Variants in NXPE2 observed in about 807,000 individuals in gnomAD.
NXPE2 encodes the protein neurexophilin and PC-esterase domain family member 2, also known as NXPE family member 2.
Under a neutral mutation model 34.4 loss-of-function variants are expected in NXPE2, and 34 were observed. The observed-to-expected ratio is 0.99, with a 90% CI of 0.75 to 1.31. NXPE2 has a LOEUF of 1.31. Among genes scored for constraint, NXPE2 ranks in the 40% most tolerant of loss-of-function variants. The probability of loss-of-function intolerance (pLI) is 0.00; values close to 1 mark genes in which losing one functional copy is unlikely to be tolerated. For missense variants in NXPE2, 649 were observed against 672.5 expected (o/e 0.97, Z 0.39); for synonymous variants, 235 against 231.3 (o/e 1.02, Z -0.15).
the NXPE2 span, among the ~76,000 whole-genome samples, chr11:114,639,277 C>A: frequency 6.6e-6 from 1 of 151,330 alleles, no homozygotes; most frequent in Admixed American, 6.6e-5. Context: ...GAGCCAGGTG[C>A]AGGATATAAT....
chr11:114,720,486 T>C, the NXPE2 span, among the ~76,000 whole-genome samples: 1 of 152,242 alleles, frequency 6.6e-6, no homozygotes, highest in Non-Finnish European at 1.5e-5. Flanking sequence ...TTCAGGTTCA[T>C]ACCTTAGAAA....
chr11:114,655,623 T>A, the NXPE2 span, among the ~76,000 whole-genome samples: 3 of 152,176 alleles, frequency 2.0e-5, no homozygotes, highest in Admixed American at 2.0e-4. Context: ...TTGAGGAAGA[T>A]CAGATGGTTG....
At chr11:114,528,038 A>G in the NXPE2 span, 3 of 592,852 alleles carry the variant, frequency 5.1e-6, no homozygotes, top group Middle Eastern at 6.3e-4. Flanking sequence ...AATTTTAGAT[A>G]TATTGGGTAT....
the NXPE2 span, among the ~76,000 whole-genome samples, chr11:114,771,585 C>T: frequency 6.6e-6 from 1 of 152,066 alleles, no homozygotes; most frequent in Non-Finnish European, 1.5e-5. Flanking sequence ...GATACTTGGG[C>T]AGTGGACCCA....
chr11:114,524,383 G>A, the NXPE2 span, among the ~76,000 whole-genome samples: 57 of 152,200 alleles, frequency 3.7e-4, no homozygotes, highest in Admixed American at 3.7e-3. Flanking sequence ...GTCTCTGGCT[G>A]CCTATGTCCA....
chr11:114,798,261 G>C, the NXPE2 span, among the ~76,000 whole-genome samples: 1 of 152,124 alleles, frequency 6.6e-6, no homozygotes, highest in African/African-American at 2.4e-5. Flanking sequence ...TCACCAACAG[G>C]TAACAGTTAC....
At chr11:114,721,350 C>T in the NXPE2 span, among the ~76,000 whole-genome samples, 1 of 151,692 alleles carries the variant, frequency 6.6e-6, no homozygotes, top group East Asian at 1.9e-4. Context: ...TGACAAGGAG[C>T]ATACTTTAGT....
chr11:114,468,647 C>T, the NXPE2 span, among the ~76,000 whole-genome samples: 2 of 152,116 alleles, frequency 1.3e-5, no homozygotes, highest in Non-Finnish European at 2.9e-5. Context: ...CATTAGAGAC[C>T]AAGGATTCTA....
chr11:114,788,572 C>G, the NXPE2 span, among the ~76,000 whole-genome samples: 1 of 152,204 alleles, frequency 6.6e-6, no homozygotes, highest in Non-Finnish European at 1.5e-5. Flanking sequence ...CTTGCATTCC[C>G]AATTTCATAT....
At chr11:114,549,114 A>G in the NXPE2 span, among the ~76,000 whole-genome samples, 1 of 151,992 alleles carries the variant, frequency 6.6e-6, no homozygotes, top group African/African-American at 2.4e-5. Flanking sequence ...AAAAATAGAG[A>G]ATAGTGAAAA....
chr11:114,626,881 T>G, the NXPE2 span, among the ~76,000 whole-genome samples: 1 of 151,846 alleles, frequency 6.6e-6, no homozygotes, highest in Non-Finnish European at 1.5e-5. Flanking sequence ...TGCAGAAGCC[T>G]CAGGAGCTGA....
the NXPE2 span, among the ~76,000 whole-genome samples, chr11:114,797,372 AC>A: frequency 2.0e-5 from 3 of 152,088 alleles, no homozygotes; most frequent in African/African-American, 7.2e-5. Flanking sequence ...TTTAGCTGAC[AC>A]CCCACCTTCT....
the NXPE2 span, among the ~76,000 whole-genome samples, chr11:114,495,121 A>T: frequency 6.6e-6 from 1 of 152,068 alleles, no homozygotes; most frequent in Admixed American, 6.5e-5. Context: ...TGACACAAGC[A>T]CCTCTGTGGC....
At chr11:114,630,025 T>C in the NXPE2 span, among the ~76,000 whole-genome samples, 1 of 150,604 alleles carries the variant, frequency 6.6e-6, no homozygotes, top group Non-Finnish European at 1.5e-5. Flanking sequence ...TAAAAGAGGA[T>C]ACAAACAAAT....
At chr11:114,467,177 C>T in the NXPE2 span, among the ~76,000 whole-genome samples, 13 of 152,148 alleles carry the variant, frequency 8.5e-5, no homozygotes. Context: ...ATAACACTGA[C>T]GTTTGTCAAA....
At chr11:114,536,465 C>T in the NXPE2 span, among the ~76,000 whole-genome samples, 3 of 152,022 alleles carry the variant, frequency 2.0e-5, no homozygotes, top group Admixed American at 6.6e-5. Context: ...AGACAAAAAA[C>T]CCTTCAAAAA....
the NXPE2 span, among the ~76,000 whole-genome samples, chr11:114,534,759 A>C: frequency 2.6e-5 from 4 of 152,040 alleles, no homozygotes; most frequent in South Asian, 6.2e-4. Context: ...GAAACAAAGC[A>C]TCCAAGAAAT....
intron 3 of NXPE2, among the ~76,000 whole-genome samples, chr11:114,700,392 A>C (rs1035025987): frequency 1.3e-5 from 2 of 152,184 alleles, no homozygotes; most frequent in Admixed American, 1.3e-4. Context: ...ACCTGAGTTA[A>C]GTGAGGGAGT....
At chr11:114,652,090 A>AT in the NXPE2 span, among the ~76,000 whole-genome samples, 10 of 151,962 alleles carry the variant, frequency 6.6e-5, no homozygotes, top group South Asian at 8.3e-4. Flanking sequence ...CAATACTTAA[A>AT]TTTTTTTTTA....
Sources: gnomAD v4.1 joint callset for allele counts (sites outside exome capture counted in the v4.1 genomes callset) on GRCh38, gnomAD v4.1.1 for gene constraint, MANE v1.5 for transcripts, NCBI Gene and HGNC (gene_info 2026-07-23, HGNC 2026-07-21) for gene names.